The following EBF1 variants were observed in gnomAD, a reference collection of about 807,000 sequenced individuals.
EBF1 encodes EBF transcription factor 1, also known as transcription factor COE1.
EBF1 carries 10 observed loss-of-function variants against 68.4 expected under a neutral mutation model. The observed-to-expected ratio is 0.15, with a 90% CI of 0.09 to 0.25. The LOEUF is 0.25. Among genes scored for constraint, EBF1 ranks in the 10% least tolerant of loss-of-function variants. The pLI is 1.00. For synonymous variants in EBF1, 298 were observed against 299.8 expected (o/e 0.99, Z 0.06); for missense variants, 509 against 794.4 (o/e 0.64, Z 4.32).
chr5:158,928,819 C>T (rs1290462853), intron 6 of EBF1, among the ~76,000 whole-genome samples: 1 of 152,100 alleles, frequency 6.6e-6, no homozygotes, highest in African/African-American at 2.4e-5. Flanking sequence ...TATTATGATC[C>T]AGGAAGCCAG....
intron 14 of EBF1, among the ~76,000 whole-genome samples, chr5:158,708,614 G>A (rs758543443): frequency 6.6e-6 from 1 of 152,202 alleles, no homozygotes; most frequent in Non-Finnish European, 1.5e-5. Flanking sequence ...GCACAAAACA[G>A]TGAGAAAGGT....
chr5:158,714,291 A>C, intron 11 of EBF1, 109 bp from the exon 12 acceptor site: 1 of 1,268,222 alleles, frequency 7.9e-7, no homozygotes. Context: ...AGGCACTGCT[A>C]TAAAGGCCGT....
chr5:158,717,307 T>A (rs980694016), intron 11 of EBF1, among the ~76,000 whole-genome samples: 1 of 152,206 alleles, frequency 6.6e-6, no homozygotes, highest in Non-Finnish European at 1.5e-5. Flanking sequence ...TGATTGAGCC[T>A]TGGATGTTAA....
At chr5:159,081,345 G>T (rs1242356256) in intron 5 of EBF1, among the ~76,000 whole-genome samples, 1 of 152,072 alleles carries the variant, frequency 6.6e-6, no homozygotes, top group Non-Finnish European at 1.5e-5. Context: ...ACTAATTGTT[G>T]TTCATCTCTT....
chr5:158,728,207 C>T (rs907688079), intron 11 of EBF1, among the ~76,000 whole-genome samples: 1 of 152,210 alleles, frequency 6.6e-6, no homozygotes, highest in Non-Finnish European at 1.5e-5. Flanking sequence ...GCCAAGAGGA[C>T]AGCCACTCGG....
At chr5:159,061,668 A>G (rs1775860414) in intron 6 of EBF1, among the ~76,000 whole-genome samples, 1 of 152,080 alleles carries the variant, frequency 6.6e-6, no homozygotes, top group Admixed American at 6.6e-5. Flanking sequence ...GAAGCCGAAG[A>G]ATCGAAACAT....
At chr5:159,051,185 C>A (rs1773573568) in intron 6 of EBF1, among the ~76,000 whole-genome samples, 1 of 152,072 alleles carries the variant, frequency 6.6e-6, no homozygotes, top group African/African-American at 2.4e-5. Context: ...CATTTTGAAG[C>A]CGCACCACAA....
At chr5:159,085,106 G>A (rs910487469) in intron 4 of EBF1, among the ~76,000 whole-genome samples, 27 of 152,158 alleles carry the variant, frequency 1.8e-4, no homozygotes, top group Non-Finnish European at 1.5e-5. Flanking sequence ...AAAAGCATTT[G>A]GATTTGATTT....
chr5:158,889,104 C>T (rs1429418932), intron 6 of EBF1, among the ~76,000 whole-genome samples: 1 of 152,088 alleles, frequency 6.6e-6, no homozygotes, highest in African/African-American at 2.4e-5. Flanking sequence ...CCAAAACTAC[C>T]CTGATTTCCC....
intron 6 of EBF1, among the ~76,000 whole-genome samples, chr5:158,873,184 C>T (rs561472859): frequency 1.2e-4 from 19 of 152,078 alleles, no homozygotes; most frequent in African/African-American, 4.3e-4. Flanking sequence ...AGTGAACCTT[C>T]AATTAGAAAA....
intron 8 of EBF1, among the ~76,000 whole-genome samples, chr5:158,816,444 G>T (rs142944112): frequency 6.6e-6 from 1 of 152,234 alleles, no homozygotes; most frequent in Non-Finnish European, 1.5e-5. Flanking sequence ...GTTTAAGCTT[G>T]AGCAGATTAT....
At chr5:158,866,260 A>C (rs1462289708) in intron 6 of EBF1, among the ~76,000 whole-genome samples, 1 of 152,154 alleles carries the variant, frequency 6.6e-6, no homozygotes, top group Non-Finnish European at 1.5e-5. Flanking sequence ...CTGAGACAGG[A>C]GAAAGTCAGG....
At chr5:158,775,353 C>T (rs922680229) in intron 10 of EBF1, among the ~76,000 whole-genome samples, 4 of 151,610 alleles carry the variant, frequency 2.6e-5, no homozygotes, top group East Asian at 1.9e-4. Context: ...TTGTTGAAGA[C>T]TGATTAAAAA....
rs749094595 is a variant in EBF1 at position 158,713,093 on chromosome 5, G to A, written c.1246C>T (p.Arg416Cys). Residue 416 changes from arginine to cysteine, a missense_variant, in exon 13 of 16, where the codon CGC (arginine) becomes TGC (cysteine). This residue lies in a region of EBF1 where 205 missense variants were observed against 247.4 expected (regional missense o/e 0.83). Coordinates refer to ENST00000313708, the MANE Select transcript of EBF1 (RefSeq NM_024007.5). ...DIAEALYSVP[R>C]NHNQLPALAN... ...AGGGCCGGGAGTTGGTTGTGGTTGC[G>A]GGGAACACTGTACAGGGCCTCGGCA... The A allele has an allele frequency of 6.9e-6, 11 of 1,597,746 alleles. No homozygotes were observed. The highest frequency in any genetic ancestry group is 1.1e-5 in the South Asian group (1 of 88,432).
At chr5:158,972,080 C>G (rs1247911675) in intron 6 of EBF1, among the ~76,000 whole-genome samples, 4 of 152,210 alleles carry the variant, frequency 2.6e-5, no homozygotes, top group African/African-American at 9.7e-5. Flanking sequence ...GAGAATGAAA[C>G]TTCAGCTTAC....
At chr5:158,766,246 T>C (rs1323870491) in intron 10 of EBF1, among the ~76,000 whole-genome samples, 1 of 152,134 alleles carries the variant, frequency 6.6e-6, no homozygotes, top group Non-Finnish European at 1.5e-5. Context: ...TACTTATGGC[T>C]GAGAAAAAAA....
intron 6 of EBF1, among the ~76,000 whole-genome samples, chr5:158,981,752 G>T (rs759521155): frequency 6.6e-6 from 1 of 152,086 alleles, no homozygotes; most frequent in Non-Finnish European, 1.5e-5. Flanking sequence ...ACAAAATGGC[G>T]CAAGAAGCTA....
At chr5:158,805,763 CTT>C (rs1487254152) in intron 8 of EBF1, among the ~76,000 whole-genome samples, 1 of 151,952 alleles carries the variant, frequency 6.6e-6, no homozygotes, top group Non-Finnish European at 1.5e-5. Context: ...ATGGTATCCT[CTT>C]AGCAGAATTT....
chr5:158,708,595 G>T (rs144717842), intron 14 of EBF1, among the ~76,000 whole-genome samples: 1 of 152,180 alleles, frequency 6.6e-6, no homozygotes, highest in Non-Finnish European at 1.5e-5. Flanking sequence ...TCTTATGAGG[G>T]ATAGAGTAGC....
Sources: gnomAD v4.1 joint callset for allele counts (sites outside exome capture counted in the v4.1 genomes callset) on GRCh38, gnomAD v4.1.1 for gene constraint, gnomAD v4.1.1 regional missense constraint, MANE v1.5 for transcripts, NCBI Gene and HGNC (gene_info 2026-07-23, HGNC 2026-07-21) for gene names.